TAGLN3: variants seen among roughly 807,000 people sequenced by gnomAD.
TAGLN3 encodes the protein transgelin-3.
In TAGLN3, 12 loss-of-function variants were observed where a neutral mutation model predicts 25.4. The observed-to-expected ratio is 0.47, with a 90% CI of 0.30 to 0.77. The LOEUF (loss-of-function observed/expected upper bound fraction) is 0.77. TAGLN3 is among the 30% of genes least tolerant of loss of function. The probability of loss-of-function intolerance (pLI) is 0.06; values close to 1 mark genes in which losing one functional copy is unlikely to be tolerated. For synonymous variants in TAGLN3, 96 were observed against 94.8 expected, an observed-to-expected ratio of 1.01 and a Z score of -0.08; for missense variants, 218 against 255.8, an observed-to-expected ratio of 0.85 and a Z score of 1.01.
intron 2 of TAGLN3, 119 bp downstream of exon 2, chr3:111,999,721 G>A (rs547885851): frequency 5.3e-5 from 69 of 1,296,444 alleles, no homozygotes; most frequent in Admixed American, 9.6e-5. Context: ...GTCTCACCGG[G>A]AGGGGATGAG....
chr3:112,008,687 A>G (rs971339059), intron 3 of TAGLN3, among the ~76,000 whole-genome samples: 1 of 152,128 alleles, frequency 6.6e-6, no homozygotes, highest in Non-Finnish European at 1.5e-5. Flanking sequence ...CCCTCTTCCC[A>G]TCTTGTCAGT....
chr3:111,999,955 T>A (rs1378913586), intron 2 of TAGLN3, among the ~76,000 whole-genome samples: 3 of 152,172 alleles, frequency 2.0e-5, no homozygotes, highest in African/African-American at 4.8e-5. Context: ...CCCTAGGGGA[T>A]CGTGTTGGTT....
chr3:112,009,291 C>T (rs1272473512), intron 3 of TAGLN3, among the ~76,000 whole-genome samples: 1 of 152,190 alleles, frequency 6.6e-6, no homozygotes, highest in Non-Finnish European at 1.5e-5. Flanking sequence ...TTGTTTCAGT[C>T]TTGTTTGGAT....
chr3:112,007,170 C>T (rs1185063626), intron 3 of TAGLN3, among the ~76,000 whole-genome samples: 5 of 152,148 alleles, frequency 3.3e-5, no homozygotes, highest in African/African-American at 1.2e-4. Context: ...CCTCTCTCCC[C>T]CACAAATGCA....
At chr3:111,999,676 A>G (rs2072833715) in intron 2 of TAGLN3, 74 bp downstream of exon 2, 1 of 1,543,466 alleles carries the variant, frequency 6.5e-7, no homozygotes, top group South Asian at 1.2e-5. Context: ...TTTTAACGTA[A>G]GGCTGCGGGA....
Position 112,003,421 on chromosome 3 carries a change from T to C in TAGLN3, c.355+2475T>C, listed in dbSNP as rs1011477892. On this transcript the variant is annotated intron_variant, in intron 3 of 4. Coordinates refer to ENST00000478951, the MANE Select transcript of TAGLN3 (RefSeq NM_001008272.2). ...GCAGAGCAGACTGAGCAAGTGAGGC[T>C]GGGGTCCTTTCTGCAAGAACTGGTT... Among the ~76,000 whole-genome samples the C allele has an allele frequency of 5.9e-5, 9 of 152,226 alleles. No homozygotes were observed. In the East Asian group the frequency reaches 1.5e-3, roughly 26 times the overall value.
chr3:112,001,039 C>A, intron 3 of TAGLN3, 93 bp downstream of exon 3: 1 of 1,128,068 alleles, frequency 8.9e-7, no homozygotes, highest in East Asian at 2.4e-5. Flanking sequence ...TTCCCTGTGC[C>A]GATTGATGTG....
At chr3:112,005,702 CT>C (rs761424017) in intron 3 of TAGLN3, among the ~76,000 whole-genome samples, 15 of 30,212 alleles carry the variant, frequency 5.0e-4, no homozygotes, top group Non-Finnish European at 9.1e-4. Flanking sequence ...TCTTTTTTTT[CT>C]TTTTTTTTTT....
At position 112,013,494 on chromosome 3, in the gene TAGLN3, C is replaced by T. The variant is rs764369530; in HGVS notation, c.543C>T (p.Asn181=). 1 of 1,614,206 alleles carries T rather than the reference C, an allele frequency of 6.2e-7. No homozygotes were observed. The highest frequency in any genetic ancestry group is 8.5e-7 in the Non-Finnish European group (1 of 1,180,026). ...QNVIGLQMGS[N]KGASQAGMTG... Reference sequence around the variant, plus strand: ...TAATAGGCCTGCAGATGGGCAGCAACAAGGGAGCCTCCCAGGCGGGCATGA... The same window carrying T: ...TAATAGGCCTGCAGATGGGCAGCAATAAGGGAGCCTCCCAGGCGGGCATGA... The change falls in exon 5 of 5, where the codon AAC becomes AAT. Residue 181 remains asparagine (N), a synonymous_variant. Coordinates refer to ENST00000478951, the MANE Select transcript of TAGLN3 (RefSeq NM_001008272.2).
chr3:112,000,152 G>A (rs1219816511), intron 2 of TAGLN3, among the ~76,000 whole-genome samples: 2 of 152,150 alleles, frequency 1.3e-5, no homozygotes, highest in East Asian at 1.9e-4. Context: ...TTTGAGGGCC[G>A]CAGGCTCTGT....
chr3:112,013,359 G>A (rs764469294), intron 4 of TAGLN3, 51 bp from the exon 5 acceptor site: 1 of 1,574,350 alleles, frequency 6.4e-7, no homozygotes, highest in Non-Finnish European at 8.6e-7. Context: ...TCTTGAAAAG[G>A]ATTGGAAAAC....
intron 3 of TAGLN3, among the ~76,000 whole-genome samples, chr3:112,005,408 C>G (rs2072904878): frequency 6.6e-6 from 1 of 152,140 alleles, no homozygotes; most frequent in Non-Finnish European, 1.5e-5. Flanking sequence ...ATCGATCAGT[C>G]TCATGGCTCT....
rs8070 is a variant in TAGLN3, at chr3:112,013,761, G to A, written c.*210G>A. ...AGAACTATGCAAAGACTCCGCTTCC[G>A]TTTTCCTGAGCTCCTCGGGCCCCAG... On this transcript the variant is annotated 3_prime_UTR_variant, in exon 5 of 5. Transcript: ENST00000478951. 166,233 of 671,490 alleles carry A rather than the reference G, an allele frequency of 0.25. 21,878 individuals carry two copies. Among genetic ancestry groups the A allele is most frequent in the East Asian group, 0.37 (13,036 of 34,836 alleles). The allele number at this position is 671,490 out of a possible 1,614,324, so 41.6% of individuals were successfully genotyped here.
intron 3 of TAGLN3, among the ~76,000 whole-genome samples, chr3:112,011,221 A>G (rs1029641925): frequency 6.6e-6 from 1 of 152,156 alleles, no homozygotes; most frequent in African/African-American, 2.4e-5. Flanking sequence ...CCATGGGTTA[A>G]TGGTCACTGG....
At chr3:112,011,699 G>A (rs3749310) in intron 3 of TAGLN3, 64 bp from the exon 4 acceptor site, 782,677 of 1,482,474 alleles carry the variant, frequency 0.53, 212,561 homozygotes, top group Middle Eastern at 0.59. Flanking sequence ...GTGTCCAGCC[G>A]TATCCTTCCA....
intron 3 of TAGLN3, among the ~76,000 whole-genome samples, chr3:112,005,818 GCCT>G (rs2072911166): frequency 1.3e-5 from 2 of 150,026 alleles, no homozygotes; most frequent in South Asian, 4.2e-4. Context: ...TCCTGCCTGA[GCCT>G]CCTGAGTAGC....
intron 3 of TAGLN3, among the ~76,000 whole-genome samples, chr3:112,005,294 C>T (rs2072904227): frequency 6.6e-6 from 1 of 152,186 alleles, no homozygotes; most frequent in Non-Finnish European, 1.5e-5. Flanking sequence ...CCCCCCCACA[C>T]TATTAGTCAT....
At chr3:112,008,751 G>A (rs1023232781) in intron 3 of TAGLN3, among the ~76,000 whole-genome samples, 3 of 152,216 alleles carry the variant, frequency 2.0e-5, no homozygotes, top group Non-Finnish European at 4.4e-5. Context: ...AAGAAAGTGA[G>A]CTAGATGTGA....
At chr3:112,003,402 C>G (rs541373804) in intron 3 of TAGLN3, among the ~76,000 whole-genome samples, 27 of 152,250 alleles carry the variant, frequency 1.8e-4, no homozygotes, top group African/African-American at 6.5e-4. Context: ...TACTGCAGAG[C>G]AGACTGAGCA....
Sources: allele counts gnomAD v4.1 joint callset (sites outside exome capture counted in the v4.1 genomes callset), GRCh38; gene constraint gnomAD v4.1.1; transcripts MANE v1.5; gene names NCBI Gene and HGNC (gene_info 2026-07-23, HGNC 2026-07-21).